Variants in PPP1R1C observed in about 807,000 individuals in gnomAD.
PPP1R1C encodes the protein protein phosphatase 1 regulatory subunit 1C.
In PPP1R1C, 15 loss-of-function variants were observed where a neutral mutation model predicts 17.4. The observed-to-expected ratio is 0.86, with a 90% CI of 0.58 to 1.33. The LOEUF (loss-of-function observed/expected upper bound fraction) is 1.33. Among genes scored for constraint, PPP1R1C ranks in the 40% most tolerant of loss-of-function variants. The pLI is 0.00. For missense variants in PPP1R1C, 143 were observed against 130.0 expected, an observed-to-expected ratio of 1.10 and a Z score of -0.48; for synonymous variants, 35 against 43.1, an observed-to-expected ratio of 0.81 and a Z score of 0.73.
chr2:182,017,758 T>G (rs1232235761), intron 2 of PPP1R1C, among the ~76,000 whole-genome samples: 1 of 152,144 alleles, frequency 6.6e-6, no homozygotes, highest in Admixed American at 6.5e-5. Context: ...TACTTCCATG[T>G]ATTTAATAGG....
Position 181,967,090 on chromosome 2 carries a change from T to C in PPP1R1C, n.112-8129T>C, listed in dbSNP as rs1305010921. ...CTAGGTTTTCCAATTTATTGGCATA[T>C]GGTTGCTCATAGTGGTCTCTAATCA... On this transcript the variant is annotated intron_variant and non_coding_transcript_variant, in intron 1 of 5. Transcript: ENST00000464264. The surrounding 1 kb of genome is among the most constrained non-coding windows in gnomAD (Gnocchi z 5.5). Among the ~76,000 whole-genome samples, 2 of 152,192 alleles carry C rather than the reference T, an allele frequency of 1.3e-5. No individual in the cohort carries two copies. The highest frequency in any genetic ancestry group is 2.9e-5 in the Non-Finnish European group (2 of 68,008).
upstream of PPP1R1C, among the ~76,000 whole-genome samples, chr2:181,982,314 G>A (rs1481102593): frequency 6.6e-6 from 1 of 152,144 alleles, no homozygotes; most frequent in Non-Finnish European, 1.5e-5. Flanking sequence ...AATACTAACA[G>A]CAAGGTGTAG....
upstream of PPP1R1C, among the ~76,000 whole-genome samples, chr2:181,984,479 A>G (rs1307986417): frequency 3.3e-5 from 5 of 152,224 alleles, no homozygotes; most frequent in South Asian, 4.1e-4. Flanking sequence ...GTAAACTGTT[A>G]CATAAAATGT....
chr2:182,122,178 C>T (rs1396487720), downstream of PPP1R1C, among the ~76,000 whole-genome samples: 4 of 151,872 alleles, frequency 2.6e-5, no homozygotes, highest in African/African-American at 7.3e-5. Context: ...AATTTTGTAA[C>T]CCTTTATTCT....
intron 5 of PPP1R1C, among the ~76,000 whole-genome samples, chr2:182,128,346 A>G (rs1689926544): frequency 6.6e-6 from 1 of 152,076 alleles, no homozygotes; most frequent in Admixed American, 6.6e-5. Flanking sequence ...AAGTCCCTTA[A>G]CCACTCTAGA....
chr2:182,063,683 A>C (rs1199321062), intron 3 of PPP1R1C, 48 bp from the exon 4 acceptor site: 3 of 1,446,262 alleles, frequency 2.1e-6, no homozygotes, highest in Non-Finnish European at 2.9e-6. Flanking sequence ...ATGGCATCGT[A>C]CTTTGTATCC....
chr2:182,012,024 T>A (rs1286796429), intron 2 of PPP1R1C, among the ~76,000 whole-genome samples: 1 of 152,134 alleles, frequency 6.6e-6, no homozygotes. Flanking sequence ...AGACTTGTTT[T>A]GTGGCCTAAC....
Position 181,961,460 on chromosome 2 carries a change from T to A in PPP1R1C, n.111+6826T>A. On this transcript the variant is annotated intron_variant and non_coding_transcript_variant, in intron 1 of 5. Transcript: ENST00000464264. The surrounding 1 kb of genome is among the most constrained non-coding windows in gnomAD (Gnocchi z 5.8). ...ATCTCTGACTCCAGGTGCAGCAGGA[T>A]CCTGTTGAGCTGCTCCATCTGCAGG... 1 of 987,514 alleles carries A rather than the reference T, an allele frequency of 1.0e-6. No individual in the cohort carries two copies. Among genetic ancestry groups the A allele is most frequent in the East Asian group, 2.6e-5 (1 of 38,788 alleles). 61.2% of individuals were successfully genotyped at this position (987,514 alleles called of 1,614,324 possible). A position where few individuals can be genotyped will look rare whatever the true frequency, so the allele number is the denominator to read the frequency against.
At chr2:182,124,327 G>GTTT (rs1294464668) in intron 5 of PPP1R1C, among the ~76,000 whole-genome samples, 1 of 83,008 alleles carries the variant, frequency 1.2e-5, no homozygotes, top group Non-Finnish European at 2.2e-5. Context: ...TTTTTTTTTT[G>GTTT]TTTTTTTTTT....
intron 4 of PPP1R1C, among the ~76,000 whole-genome samples, chr2:182,070,750 T>G (rs1284624581): frequency 6.6e-6 from 1 of 152,202 alleles, no homozygotes; most frequent in Non-Finnish European, 1.5e-5. Flanking sequence ...GAGGTTTAAT[T>G]GGCTTATAGT....
At chr2:182,012,505 G>A (rs183980329) in intron 2 of PPP1R1C, among the ~76,000 whole-genome samples, 2 of 152,062 alleles carry the variant, frequency 1.3e-5, no homozygotes, top group East Asian at 3.9e-4. Context: ...TGTCTTTATA[G>A]GTGAAGTGTG....
At chr2:181,958,472 A>G (rs1338306704) in intron 1 of PPP1R1C, among the ~76,000 whole-genome samples, 1 of 152,214 alleles carries the variant, frequency 6.6e-6, no homozygotes, top group African/African-American at 2.4e-5. Flanking sequence ...GAGGCTCCAT[A>G]GGGATGTGGA....
Position 182,016,975 on chromosome 2 carries a change from C to T in PPP1R1C, c.142+29076C>T, listed in dbSNP as rs1686279613. On this transcript the variant is annotated intron_variant, in intron 2 of 4. Coordinates refer to ENST00000682840, the MANE Select transcript of PPP1R1C (RefSeq NM_001080545.3). The stretch of plus-strand genomic sequence containing the variant: ...AGTAAAGTTTCAATCTTATTTTAAT[C>T]CATAATCCAAAAGGAATTTTTCCTT... Among the ~76,000 whole-genome samples, 3 of 152,226 alleles carry T rather than the reference C, an allele frequency of 2.0e-5. No individual in the cohort carries two copies. The South Asian group carries it at 6.2e-4, about 32-fold the overall frequency.
chr2:182,094,866 A>G (rs545456872), intron 4 of PPP1R1C, among the ~76,000 whole-genome samples: 44 of 152,346 alleles, frequency 2.9e-4, no homozygotes, highest in African/African-American at 8.7e-4. Context: ...GGCTAGGTAT[A>G]TTAGATGCAT....
At chr2:182,128,096 T>C (rs1222754104) in intron 5 of PPP1R1C, among the ~76,000 whole-genome samples, 3 of 152,098 alleles carry the variant, frequency 2.0e-5, no homozygotes, top group Admixed American at 6.6e-5. Flanking sequence ...TCAATAAATA[T>C]GTAGGAATAC....
At chr2:182,051,958 G>A (rs1254401531) in intron 2 of PPP1R1C, among the ~76,000 whole-genome samples, 7 of 151,546 alleles carry the variant, frequency 4.6e-5, no homozygotes, top group African/African-American at 1.7e-4. Flanking sequence ...CGCTGAGATC[G>A]CGCCGTTGCA....
intron 2 of PPP1R1C, among the ~76,000 whole-genome samples, chr2:182,033,185 T>C (rs1039465593): frequency 1.3e-5 from 2 of 152,192 alleles, no homozygotes; most frequent in African/African-American, 4.8e-5. Flanking sequence ...ATGTCCTCCT[T>C]TCCTTGCCAC....
At chr2:182,102,552 T>C (rs766746584) in intron 4 of PPP1R1C, among the ~76,000 whole-genome samples, 9 of 152,164 alleles carry the variant, frequency 5.9e-5, no homozygotes, top group Non-Finnish European at 1.2e-4. Flanking sequence ...ACAATTACTT[T>C]GGGAAAAAAA....
intron 4 of PPP1R1C, among the ~76,000 whole-genome samples, chr2:182,093,629 C>G (rs919118147): frequency 6.6e-6 from 1 of 152,180 alleles, no homozygotes; most frequent in Non-Finnish European, 1.5e-5. Context: ...TAATGCTTTG[C>G]TGCTTAGAAA....
Sources: gnomAD v4.1 joint callset for allele counts (sites outside exome capture counted in the v4.1 genomes callset) on GRCh38, gnomAD v4.1.1 for gene constraint, Gnocchi (gnomAD v3.1) non-coding constraint, MANE v1.5 for transcripts, NCBI Gene and HGNC (gene_info 2026-07-23, HGNC 2026-07-21) for gene names.